ARHGAP44: variants seen among roughly 807,000 people sequenced by gnomAD.
ARHGAP44 encodes the protein rho GTPase-activating protein 44.
In ARHGAP44, 43 loss-of-function variants were observed where a neutral mutation model predicts 106.8. That is an observed-to-expected ratio of 0.40 (90% CI 0.32 to 0.52). The LOEUF (loss-of-function observed/expected upper bound fraction) is 0.52. Ranked by LOEUF, ARHGAP44 falls within the 20% of genes least tolerant of loss-of-function variation. The pLI, the probability that ARHGAP44 is intolerant of heterozygous loss-of-function variation, is 0.48. For synonymous variants in ARHGAP44, 439 were observed against 410.3 expected (o/e 1.07, Z -0.85); for missense variants, 866 against 1,050.5 (o/e 0.82, Z 2.43).
At chr17:12,989,869 A>C (rs969609444) in intron 20 of ARHGAP44, among the ~76,000 whole-genome samples, 163 bp from the exon 21 acceptor site, 3 of 152,158 alleles carry the variant, frequency 2.0e-5, no homozygotes, top group Non-Finnish European at 4.4e-5. Flanking sequence ...CATGAGCACA[A>C]CCTGATCGAC....
At chr17:12,930,049 C>T (rs772465300) in intron 7 of ARHGAP44, among the ~76,000 whole-genome samples, 3 of 152,198 alleles carry the variant, frequency 2.0e-5, no homozygotes, top group Non-Finnish European at 2.9e-5. Context: ...GCCTACAGTA[C>T]TATGGAACCA....
chr17:12,988,040 T>A (rs2040003463), intron 20 of ARHGAP44: 1 of 152,204 alleles, frequency 6.6e-6, no homozygotes, highest in Non-Finnish European at 1.5e-5. Context: ...TATCTGGTGC[T>A]CACAGACAGG....
chr17:12,952,366 T>A, intron 12 of ARHGAP44, 135 bp from the exon 13 acceptor site: 4 of 740,578 alleles, frequency 5.4e-6, no homozygotes, highest in Non-Finnish European at 8.8e-6. Context: ...AACAACCAAA[T>A]TTTTAAATAC....
chr17:12,822,009 C>G (rs1177795718), intron 1 of ARHGAP44, among the ~76,000 whole-genome samples: 1 of 152,140 alleles, frequency 6.6e-6, no homozygotes, highest in Non-Finnish European at 1.5e-5. Flanking sequence ...TTCATTAGCT[C>G]TAGGTGCCAA....
In ARHGAP44 at chr17:12,888,592, A is replaced by G. The variant is rs1381386966; in HGVS notation, c.54-6348A>G. ...TGGGTGGAGTGTTCTGTAAGTATCA[A>G]TTAGATCTTATTGGTTAATGGAGGT... is the stretch of plus-strand genomic sequence containing the variant. On this transcript the variant is annotated intron_variant, in intron 1 of 20. Coordinates refer to ENST00000379672, the MANE Select transcript of ARHGAP44 (RefSeq NM_014859.6). Among the ~76,000 whole-genome samples, 3 of 152,204 alleles carry G rather than the reference A, an allele frequency of 2.0e-5. No homozygotes were observed. In the East Asian group the frequency reaches 5.8e-4, roughly 29 times the overall value.
rs1157324117 is a variant in ARHGAP44, at chr17:12,952,597, C to G, written c.1136+16C>G. 2 of 1,546,728 alleles carry G rather than the reference C, an allele frequency of 1.3e-6. No homozygotes were observed. Among genetic ancestry groups the G allele is most frequent in the South Asian group, 1.2e-5 (1 of 84,072 alleles). ...ACAACATCCGGTAAGTGGATACTTA[C>G]CAAGTATAGACACATGGCTTGGGCT... On this transcript the variant is annotated intron_variant, in intron 13 of 20. Transcript: ENST00000379672.
At chr17:12,874,803 T>C (rs1452111683) in intron 1 of ARHGAP44, among the ~76,000 whole-genome samples, 2 of 146,930 alleles carry the variant, frequency 1.4e-5, no homozygotes, top group African/African-American at 4.9e-5. Flanking sequence ...AAGTGCAGGA[T>C]ACTTGCTATG....
chr17:12,791,513 G>T (rs2033757048), intron 1 of ARHGAP44, among the ~76,000 whole-genome samples: 4 of 152,172 alleles, frequency 2.6e-5, no homozygotes, highest in Non-Finnish European at 5.9e-5. Context: ...TCTTGGTCTT[G>T]GGGTTTCAGT....
chr17:12,916,139 G>T, intron 5 of ARHGAP44, 128 bp downstream of exon 5: 1 of 750,710 alleles, frequency 1.3e-6, no homozygotes, highest in South Asian at 1.9e-5. Flanking sequence ...TTTTCATCAG[G>T]GATTCTTACC....
At chr17:12,968,175 C>T (rs1171993101) in intron 16 of ARHGAP44, among the ~76,000 whole-genome samples, 1 of 152,182 alleles carries the variant, frequency 6.6e-6, no homozygotes, top group Non-Finnish European at 1.5e-5. Flanking sequence ...CCCACTTTCC[C>T]ACTGATGAGG....
intron 7 of ARHGAP44, among the ~76,000 whole-genome samples, chr17:12,937,972 G>A (rs1381920185): frequency 1.3e-5 from 2 of 152,086 alleles, no homozygotes; most frequent in Admixed American, 1.3e-4. Flanking sequence ...GTGGTGGCAT[G>A]TCCCTGTAGT....
chr17:12,984,425 G>A, intron 19 of ARHGAP44, 106 bp from the exon 20 acceptor site: 1 of 1,273,104 alleles, frequency 7.9e-7, no homozygotes. Flanking sequence ...GCGAGGGGCA[G>A]GAGGTGGGGA....
rs1567677866 is a variant in ARHGAP44 at position 12,903,144 on chromosome 17, T to TCA, written c.199-5753_199-5752insCA. Among the ~76,000 whole-genome samples, 212 of 113,372 alleles carry TCA rather than the reference T, an allele frequency of 1.9e-3. 3 individuals carry two copies. Among genetic ancestry groups the TCA allele is most frequent in the African/African-American group, 9.6e-3 (195 of 20,374 alleles). 74.4% of individuals were successfully genotyped at this position (113,372 alleles called of 152,430 possible). ...AGAGAGAGGAGAGAGAGAGAGAGTG[T>TCA]GTGTGTGTGTGTGTGTGTGTGTGTG... On this transcript the variant is annotated intron_variant, in intron 3 of 20. Coordinates refer to ENST00000379672, the MANE Select transcript of ARHGAP44 (RefSeq NM_014859.6).
intron 19 of ARHGAP44, among the ~76,000 whole-genome samples, chr17:12,982,356 G>A (rs367972488): frequency 2.0e-5 from 3 of 149,714 alleles, no homozygotes; most frequent in East Asian, 3.9e-4. Flanking sequence ...TTCTGACAGC[G>A]TGCCGACAAT....
chr17:12,971,578 T>C (rs2039528395), intron 16 of ARHGAP44, among the ~76,000 whole-genome samples: 1 of 152,160 alleles, frequency 6.6e-6, no homozygotes, highest in Non-Finnish European at 1.5e-5. Context: ...CAGACCACAG[T>C]TCGATGATCT....
At chr17:12,828,455 C>A (rs2034986890) in intron 1 of ARHGAP44, among the ~76,000 whole-genome samples, 1 of 151,958 alleles carries the variant, frequency 6.6e-6, no homozygotes, top group Non-Finnish European at 1.5e-5. Flanking sequence ...CTTTCTGCAT[C>A]CATTGAGATA....
chr17:12,826,869 C>G (rs531874076), intron 1 of ARHGAP44, among the ~76,000 whole-genome samples: 4 of 152,300 alleles, frequency 2.6e-5, no homozygotes, highest in African/African-American at 9.6e-5. Context: ...TGTTCCCTCC[C>G]AGCTTCAAGT....
intron 18 of ARHGAP44, among the ~76,000 whole-genome samples, chr17:12,979,145 AGGCCACCT>A (rs1192432896): frequency 1.3e-5 from 2 of 152,188 alleles, no homozygotes; most frequent in African/African-American, 4.8e-5. Context: ...GATTCACTAA[AGGCCACCT>A]GGAGAATTTT....
intron 1 of ARHGAP44, among the ~76,000 whole-genome samples, chr17:12,840,359 G>C (rs1165666168): frequency 1.3e-5 from 2 of 152,130 alleles, no homozygotes; most frequent in Non-Finnish European, 2.9e-5. Flanking sequence ...TGGTTGTACT[G>C]TAATCTTAGA....
Sources: allele counts gnomAD v4.1 joint callset (sites outside exome capture counted in the v4.1 genomes callset), GRCh38; gene constraint gnomAD v4.1.1; transcripts MANE v1.5; gene names NCBI Gene and HGNC (gene_info 2026-07-23, HGNC 2026-07-21).